Variants in PARD3 observed in about 807,000 individuals in gnomAD.
The protein encoded by PARD3 is partitioning defective 3 homolog.
A neutral mutation model predicts 155.4 loss-of-function variants in PARD3; 75 were observed. The observed-to-expected ratio is 0.48, with a 90% CI of 0.40 to 0.58. The LOEUF is 0.58. Among genes scored for constraint, PARD3 ranks in the 20% least tolerant of loss-of-function variants. The pLI, the probability that PARD3 is intolerant of heterozygous loss-of-function variation, is 0.00. For missense variants in PARD3, 1,642 were observed against 1,721.7 expected, an observed-to-expected ratio of 0.95 and a Z score of 0.82; for synonymous variants, 576 against 610.5, an observed-to-expected ratio of 0.94 and a Z score of 0.83.
chr10:34,649,022 T>C (rs2092928013), intron 2 of PARD3, among the ~76,000 whole-genome samples: 1 of 152,146 alleles, frequency 6.6e-6, no homozygotes, highest in Non-Finnish European at 1.5e-5. Flanking sequence ...TTTGGGAGAT[T>C]CCTGAACTTT....
intron 22 of PARD3, among the ~76,000 whole-genome samples, chr10:34,202,465 C>A (rs536002947): frequency 2.0e-5 from 3 of 152,306 alleles, no homozygotes; most frequent in African/African-American, 7.2e-5. Flanking sequence ...AGATTGAGAG[C>A]CACTCTTTGG....
chr10:34,137,652 A>T (rs555117988), intron 22 of PARD3, among the ~76,000 whole-genome samples: 1 of 152,334 alleles, frequency 6.6e-6, no homozygotes, highest in South Asian at 2.1e-4. Flanking sequence ...AAGGAGTTTG[A>T]AACTGATTGT....
Position 34,294,280 on chromosome 10 carries a change from A to G in PARD3, c.3066-10035T>C, listed in dbSNP as rs369209105. On this transcript the variant is annotated intron_variant, in intron 20 of 24. Coordinates refer to ENST00000374788, the MANE Select transcript of PARD3 (RefSeq NM_001184785.2). ...CATTGTGATTCAAATTCTATGTTTCAACTACTGACAGGAAGTGATACACAT... is the reference window on the plus strand; with the variant it reads ...CATTGTGATTCAAATTCTATGTTTCGACTACTGACAGGAAGTGATACACAT... Among the ~76,000 whole-genome samples the G allele has an allele frequency of 1.7e-4, 26 of 152,362 alleles. No individual in the cohort carries two copies. In the East Asian group the frequency reaches 3.7e-3, roughly 21 times the overall value.
At chr10:34,780,253 C>T (rs1164595376) in intron 1 of PARD3, among the ~76,000 whole-genome samples, 1 of 152,198 alleles carries the variant, frequency 6.6e-6, no homozygotes, top group Non-Finnish European at 1.5e-5. Flanking sequence ...ACCTCCTGAC[C>T]TGAATGCTCC....
chr10:34,579,550 TTC>T (rs200253096), intron 2 of PARD3, among the ~76,000 whole-genome samples: 29 of 68,802 alleles, frequency 4.2e-4, no homozygotes, highest in African/African-American at 1.2e-3. Flanking sequence ...AGCTACCATT[TTC>T]TCTGTGTGTG....
chr10:34,410,679 G>A (rs1203145675), intron 5 of PARD3, among the ~76,000 whole-genome samples: 2 of 152,100 alleles, frequency 1.3e-5, no homozygotes, highest in Admixed American at 6.6e-5. Flanking sequence ...TCTGTGTTGG[G>A]ACACAATTCT....
chr10:34,480,117 G>A (rs986034090), intron 3 of PARD3, among the ~76,000 whole-genome samples: 15 of 152,246 alleles, frequency 9.9e-5, no homozygotes, highest in Non-Finnish European at 1.3e-4. Flanking sequence ...TCAGTGTGAG[G>A]GGCTGGCCTC....
intron 2 of PARD3, among the ~76,000 whole-genome samples, chr10:34,644,836 T>C (rs950974893): frequency 3.4e-4 from 51 of 152,174 alleles, no homozygotes; most frequent in African/African-American, 1.1e-3. Context: ...AATTGCTGAA[T>C]AGAGGTAAAA....
intron 1 of PARD3, among the ~76,000 whole-genome samples, chr10:34,755,770 T>A (rs376206357): frequency 1.3e-4 from 2 of 15,528 alleles, no homozygotes; most frequent in African/African-American, 3.6e-4. Context: ...TATAACATGC[T>A]TTTTTTTGCC....
At chr10:34,521,646 C>G (rs1396180094) in intron 2 of PARD3, among the ~76,000 whole-genome samples, 1 of 152,146 alleles carries the variant, frequency 6.6e-6, no homozygotes, top group African/African-American at 2.4e-5. Flanking sequence ...CCTACAATAG[C>G]CCAAGTAGAA....
intron 2 of PARD3, among the ~76,000 whole-genome samples, chr10:34,537,474 G>A (rs2083303358): frequency 6.6e-6 from 1 of 152,210 alleles, no homozygotes; most frequent in Admixed American, 6.5e-5. Flanking sequence ...GGATGCATCT[G>A]CCAAAGCCAA....
chr10:34,559,084 G>A (rs1245576868), intron 2 of PARD3, among the ~76,000 whole-genome samples: 2 of 151,438 alleles, frequency 1.3e-5, no homozygotes, highest in Admixed American at 1.3e-4. Flanking sequence ...TGCACTTTCT[G>A]GAGCCCCTAT....
At chr10:34,513,827 G>C (rs925353742) in intron 3 of PARD3, among the ~76,000 whole-genome samples, 2 of 152,188 alleles carry the variant, frequency 1.3e-5, no homozygotes, top group Non-Finnish European at 2.9e-5. Context: ...ATTGTCCTGT[G>C]CTTGTAAGGT....
At chr10:34,707,832 C>A (rs920901887) in intron 1 of PARD3, among the ~76,000 whole-genome samples, 2 of 152,164 alleles carry the variant, frequency 1.3e-5, no homozygotes, top group Non-Finnish European at 2.9e-5. Flanking sequence ...TAGACCAGAA[C>A]CCTCCCAGCA....
At chr10:34,175,991 T>A (rs1950015493) in intron 22 of PARD3, among the ~76,000 whole-genome samples, 1 of 152,200 alleles carries the variant, frequency 6.6e-6, no homozygotes, top group East Asian at 1.9e-4. Context: ...CTTCACACAC[T>A]GAGAACAATT....
chr10:34,463,196 GAAGGAAAGGGGAAGGGA>G (rs2077778108), intron 4 of PARD3, among the ~76,000 whole-genome samples: 1 of 130,418 alleles, frequency 7.7e-6, no homozygotes, highest in South Asian at 3.0e-4. Context: ...AAGAGAAGGG[GAAGGAAAGGGGAAGGGA>G]AAGAAAAGGG....
At chr10:34,383,314 T>A (rs1361435197) in intron 8 of PARD3, among the ~76,000 whole-genome samples, 1 of 152,070 alleles carries the variant, frequency 6.6e-6, no homozygotes, top group Non-Finnish European at 1.5e-5. Context: ...AATTTAAGTT[T>A]TCAAAGAAAG....
intron 9 of PARD3, among the ~76,000 whole-genome samples, chr10:34,379,145 T>C (rs2134710843): frequency 1.3e-5 from 2 of 152,184 alleles, no homozygotes; most frequent in Middle Eastern, 6.8e-3. Context: ...AAGAGATCTG[T>C]AAAGGTGAAA....
At chr10:34,549,304 AT>A (rs756168962) in intron 2 of PARD3, among the ~76,000 whole-genome samples, 2 of 152,098 alleles carry the variant, frequency 1.3e-5, no homozygotes, top group African/African-American at 4.8e-5. Context: ...ATTTTAAATA[AT>A]TTTTTCCTTT....
Sources: gnomAD v4.1 joint callset for allele counts (sites outside exome capture counted in the v4.1 genomes callset) on GRCh38, gnomAD v4.1.1 for gene constraint, MANE v1.5 for transcripts, NCBI Gene and HGNC (gene_info 2026-07-23, HGNC 2026-07-21) for gene names.